Variants in DERA observed in about 807,000 individuals in gnomAD.
DERA encodes the protein deoxyribose-phosphate aldolase.
In DERA, 15 loss-of-function variants were observed where a neutral mutation model predicts 41.1. The ratio of observed to expected loss-of-function variants is 0.37; its 90% CI spans 0.24 to 0.56. The LOEUF is 0.56. Among genes scored for constraint, DERA ranks in the 20% least tolerant of loss-of-function variants. DERA has a pLI of 0.81. For synonymous variants in DERA, 139 were observed against 137.4 expected, an observed-to-expected ratio of 1.01 and a Z score of -0.08; for missense variants, 396 against 403.4, an observed-to-expected ratio of 0.98 and a Z score of 0.16.
intron 6 of DERA, among the ~76,000 whole-genome samples, chr12:16,032,311 C>G (rs1337146181): frequency 6.6e-6 from 1 of 152,084 alleles, no homozygotes; most frequent in Non-Finnish European, 1.5e-5. Context: ...GCAAGAGTAT[C>G]AGAGGTCAGT....
intron 1 of DERA, among the ~76,000 whole-genome samples, chr12:15,939,185 C>A (rs900907000): frequency 1.3e-5 from 2 of 152,174 alleles, no homozygotes; most frequent in Admixed American, 6.5e-5. Context: ...AATGTCCCAG[C>A]AGAGCCCAGT....
In DERA at chr12:16,020,797, G is replaced by T. The variant is rs1949013187; in HGVS notation, c.638-11745G>T. ...TGAAGGTCACCCCTGTTATGTCCTA[G>T]TAAAGAACTTGGCTGCATTATGTTC... On this transcript the variant is annotated intron_variant, in intron 6 of 8. Coordinates refer to ENST00000428559, the MANE Select transcript of DERA (RefSeq NM_015954.4). The surrounding 1 kb of genome is among the most constrained non-coding windows in gnomAD (Gnocchi z 5.5). Among the ~76,000 whole-genome samples the T allele has an allele frequency of 1.3e-5, 2 of 152,194 alleles. No individual in the cohort carries two copies. The highest frequency in any genetic ancestry group is 2.9e-5 in the Non-Finnish European group (2 of 68,044).
rs1330384262 is a variant in DERA at position 15,957,745 on chromosome 12, G to GA, written c.130-437dup. On this transcript the variant is annotated intron_variant, in intron 2 of 8. Transcript: ENST00000428559. This position sits in a 1 kb window ranked among gnomAD's most constrained non-coding sequence, Gnocchi z 4.8. Reference sequence around the variant, plus strand: ...TTTAAAAATGGAATTGGATTAAATTGAAAAAACACCAAAAAACTTGGAAAC... The same window carrying GA: ...TTTAAAAATGGAATTGGATTAAATTGAAAAAAACACCAAAAAACTTGGAAAC... Among the ~76,000 whole-genome samples, 1 of 152,134 alleles carries GA rather than the reference G, an allele frequency of 6.6e-6. No homozygotes were observed. The highest frequency in any genetic ancestry group is 2.4e-5 in the African/African-American group (1 of 41,444).
In DERA at chr12:15,976,249, A is replaced by G. The variant is rs996800748; in HGVS notation, c.509-6059A>G. On this transcript the variant is annotated intron_variant, in intron 5 of 8. Transcript: ENST00000428559. The surrounding 1 kb of genome is among the most constrained non-coding windows in gnomAD (Gnocchi z 4.1). ...CAGTATATTCATCTTTTTTATCAAT[A>G]TTTGCCTTTTTATCAATTGCTTTGT... is the stretch of plus-strand genomic sequence containing the variant. Among the ~76,000 whole-genome samples the G allele has an allele frequency of 1.3e-5, 2 of 151,796 alleles. No homozygotes were observed. The highest frequency in any genetic ancestry group is 2.9e-5 in the Non-Finnish European group (2 of 67,966).
rs991000393 is a variant in DERA at position 15,931,789 on chromosome 12, GC to G, written c.31+20376del. 6.6e-6 allele frequency among the ~76,000 whole-genome samples: 1 copy of G among 152,118 alleles called. No homozygotes were observed. The highest frequency in any genetic ancestry group is 2.4e-5 in the African/African-American group (1 of 41,434). ...GGAGGGAGTGGGTGAGTGAGTTCTT[GC>G]TCTCTTGGGAATAGATTAATTCTCA... is the stretch of plus-strand genomic sequence containing the variant. On this transcript the variant is annotated intron_variant, in intron 1 of 8. Coordinates refer to ENST00000428559, the MANE Select transcript of DERA (RefSeq NM_015954.4). This position sits in a 1 kb window ranked among gnomAD's most constrained non-coding sequence, Gnocchi z 4.6.
In DERA at chr12:15,992,819, G is replaced by C. The variant is rs1026301158; in HGVS notation, c.637+10383G>C. Among the ~76,000 whole-genome samples, 2 of 152,066 alleles carry C rather than the reference G, an allele frequency of 1.3e-5. No homozygotes were observed. The highest frequency in any genetic ancestry group is 1.5e-5 in the Non-Finnish European group (1 of 67,982). On this transcript the variant is annotated intron_variant, in intron 6 of 8. Coordinates refer to ENST00000428559, the MANE Select transcript of DERA (RefSeq NM_015954.4). The surrounding 1 kb of genome is among the most constrained non-coding windows in gnomAD (Gnocchi z 4.3). ...ATCTTTCAGTAGCGGTGGACTGTTCGCACACACTCAACAGTTAACAAGCTC... is the reference window on the plus strand; with the variant it reads ...ATCTTTCAGTAGCGGTGGACTGTTCCCACACACTCAACAGTTAACAAGCTC...
chr12:15,917,590 GCTTATTATAC>G (rs1948209951), intron 1 of DERA, among the ~76,000 whole-genome samples: 1 of 152,124 alleles, frequency 6.6e-6, no homozygotes, highest in African/African-American at 2.4e-5. Context: ...CAAGTAACTT[GCTTATTATAC>G]CTCAGAGCTA....
At chr12:15,951,785 G>C (rs1948499577) in intron 1 of DERA, among the ~76,000 whole-genome samples, 1 of 151,712 alleles carries the variant, frequency 6.6e-6, no homozygotes, top group African/African-American at 2.4e-5. Flanking sequence ...TGTTCTTTTT[G>C]TTTTTATTAA....
intron 1 of DERA, among the ~76,000 whole-genome samples, chr12:15,939,522 T>C (rs1201269748): frequency 1.3e-5 from 2 of 152,228 alleles, no homozygotes; most frequent in African/African-American, 4.8e-5. Flanking sequence ...TCCATTCTTT[T>C]GTAGGAGTAA....
At chr12:15,926,613 G>T (rs1304319183) in intron 1 of DERA, among the ~76,000 whole-genome samples, 4 of 152,054 alleles carry the variant, frequency 2.6e-5, no homozygotes, top group Non-Finnish European at 5.9e-5. Flanking sequence ...GCGGGCGCCT[G>T]TAGTCCCAGC....
Position 16,013,491 on chromosome 12 carries a change from C to T in DERA, c.638-19051C>T, listed in dbSNP as rs1056201068. 1.3e-5 allele frequency among the ~76,000 whole-genome samples: 2 copies of T among 152,184 alleles called. No homozygotes were observed. The highest frequency in any genetic ancestry group is 2.9e-5 in the Non-Finnish European group (2 of 68,042). ...CTGCTGCCTTGTGAAGAAGGTGCCT[C>T]ACTACCCCTTCACCTTCTGCCATGA... On this transcript the variant is annotated intron_variant, in intron 6 of 8. Coordinates refer to ENST00000428559, the MANE Select transcript of DERA (RefSeq NM_015954.4). The surrounding 1 kb of genome is among the most constrained non-coding windows in gnomAD (Gnocchi z 5.8).
chr12:15,956,556 G>C, intron 1 of DERA: 1 of 361,902 alleles, frequency 2.8e-6, no homozygotes, highest in Admixed American at 3.8e-5. Context: ...TGCTCTCCTG[G>C]GCTGGACACT....
intron 5 of DERA, among the ~76,000 whole-genome samples, chr12:15,978,134 T>C (rs1335550009): frequency 6.6e-6 from 1 of 152,208 alleles, no homozygotes; most frequent in East Asian, 1.9e-4. Flanking sequence ...TGAGATTGAC[T>C]GGGTTACATT....
intron 1 of DERA, among the ~76,000 whole-genome samples, chr12:15,926,552 C>T (rs1360223232): frequency 6.6e-6 from 1 of 151,636 alleles, no homozygotes; most frequent in African/African-American, 2.4e-5. Flanking sequence ...CTGGCTAACA[C>T]GGTGAAACAG....
At chr12:16,027,895 A>G (rs1949063534) in intron 6 of DERA, among the ~76,000 whole-genome samples, 1 of 152,248 alleles carries the variant, frequency 6.6e-6, no homozygotes, top group South Asian at 2.1e-4. Context: ...CATGGTTAAT[A>G]TACAAAATTC....
At chr12:15,963,736 G>A (rs1318624291) in intron 5 of DERA, among the ~76,000 whole-genome samples, 2 of 151,914 alleles carry the variant, frequency 1.3e-5, no homozygotes, top group African/African-American at 2.4e-5. Flanking sequence ...CAAATAAATG[G>A]CATATTTTAT....
intron 1 of DERA, among the ~76,000 whole-genome samples, chr12:15,944,418 C>A (rs1412591893): frequency 2.0e-5 from 3 of 151,948 alleles, no homozygotes; most frequent in Admixed American, 1.3e-4. Context: ...AATGATTGCC[C>A]TTCTAACTGG....
Position 15,981,367 on chromosome 12 carries a change from AC to A in DERA, c.509-940del, listed in dbSNP as rs1184184449. 6.6e-6 allele frequency among the ~76,000 whole-genome samples: 1 copy of A among 152,110 alleles called. No individual in the cohort carries two copies. Among genetic ancestry groups the A allele is most frequent in the Admixed American group, 6.5e-5 (1 of 15,270 alleles). On this transcript the variant is annotated intron_variant, in intron 5 of 8. Coordinates refer to ENST00000428559, the MANE Select transcript of DERA (RefSeq NM_015954.4). The surrounding 1 kb of genome is among the most constrained non-coding windows in gnomAD (Gnocchi z 6.1). ...CATCTCAAAAACCAAAAAACAAAAA[AC>A]AAAAAAACCTACTTCCTATGAAAGA...
rs1439207092 is a variant in DERA, at chr12:15,985,501, C to T, written c.637+3065C>T. 6.6e-6 allele frequency among the ~76,000 whole-genome samples: 1 copy of T among 151,890 alleles called. No homozygotes were observed. The highest frequency in any genetic ancestry group is 1.5e-5 in the Non-Finnish European group (1 of 67,986). On this transcript the variant is annotated intron_variant, in intron 6 of 8. Coordinates refer to ENST00000428559, the MANE Select transcript of DERA (RefSeq NM_015954.4). The surrounding 1 kb of genome is among the most constrained non-coding windows in gnomAD (Gnocchi z 4.2). ...GTTTTTGCTTTTCTTTCCTCCTCTG[C>T]TTGTTCATGCTAGGGCTTTGCCAAT...
Sources: gnomAD v4.1 joint callset for allele counts (sites outside exome capture counted in the v4.1 genomes callset) on GRCh38, gnomAD v4.1.1 for gene constraint, Gnocchi (gnomAD v3.1) non-coding constraint, MANE v1.5 for transcripts, NCBI Gene and HGNC (gene_info 2026-07-23, HGNC 2026-07-21) for gene names.